The following STMND1 variants were observed in gnomAD, a reference collection of about 807,000 sequenced individuals.
STMND1 encodes the protein stathmin domain-containing protein 1.
A neutral mutation model predicts 23.0 loss-of-function variants in STMND1; 17 were observed. The ratio of observed to expected loss-of-function variants is 0.74; its 90% CI spans 0.51 to 1.11. The LOEUF is 1.11. STMND1 is among the 50% of genes least tolerant of loss of function. The pLI is 0.00. For missense variants in STMND1, 305 were observed against 329.1 expected (o/e 0.93, Z 0.57); for synonymous variants, 114 against 119.9 (o/e 0.95, Z 0.32).
chr6:17,113,214 T>C (rs1761116497), intron 1 of STMND1, among the ~76,000 whole-genome samples: 1 of 152,214 alleles, frequency 6.6e-6, no homozygotes, highest in Admixed American at 6.5e-5. Context: ...ACCAGTAGGA[T>C]AGACAGATGG....
chr6:17,108,395 A>C (rs904872536), intron 1 of STMND1, among the ~76,000 whole-genome samples: 8 of 152,166 alleles, frequency 5.3e-5, no homozygotes, highest in African/African-American at 1.9e-4. Flanking sequence ...TAAATCATTA[A>C]ATTTTTCCAT....
At chr6:17,105,013 T>C (rs1393766905) in intron 1 of STMND1, among the ~76,000 whole-genome samples, 1 of 152,262 alleles carries the variant, frequency 6.6e-6, no homozygotes, top group African/African-American at 2.4e-5. Context: ...AGACTTTTTT[T>C]TGTTATTGTG....
chr6:17,112,734 G>A (rs972108165), intron 1 of STMND1, among the ~76,000 whole-genome samples: 12 of 152,076 alleles, frequency 7.9e-5, no homozygotes, highest in Non-Finnish European at 1.2e-4. Flanking sequence ...CCGAGATTGC[G>A]CCACTGTACT....
intron 1 of STMND1, among the ~76,000 whole-genome samples, chr6:17,112,552 T>C (rs564466341): frequency 2.1e-3 from 314 of 151,888 alleles, no homozygotes; most frequent in African/African-American, 7.1e-3. Context: ...CCGAGGCGGG[T>C]GGATCACAAG....
At chr6:17,105,965 A>G (rs566679220) in intron 1 of STMND1, among the ~76,000 whole-genome samples, 1 of 152,206 alleles carries the variant, frequency 6.6e-6, no homozygotes, top group Non-Finnish European at 1.5e-5. Flanking sequence ...CTTACTTAGC[A>G]TGCTGTCCTG....
chr6:17,115,165 G>A (rs1490642852), intron 2 of STMND1, 26 bp downstream of exon 2: 36 of 1,518,424 alleles, frequency 2.4e-5, no homozygotes, highest in Non-Finnish European at 2.9e-5. Context: ...CCCCATTCAC[G>A]TAGATCTTCA....
chr6:17,112,156 C>T (rs928681231), intron 1 of STMND1, among the ~76,000 whole-genome samples: 4 of 152,166 alleles, frequency 2.6e-5, no homozygotes, highest in Non-Finnish European at 5.9e-5. Flanking sequence ...CCTCGTTCCC[C>T]CACCCTAAGC....
At chr6:17,108,690 C>T (rs201904836) in intron 1 of STMND1, among the ~76,000 whole-genome samples, 1 of 111,422 alleles carries the variant, frequency 9.0e-6, no homozygotes. Flanking sequence ...TGTTCTTTTT[C>T]TTTTTCTTTT....
intron 1 of STMND1, chr6:17,110,804 A>G: frequency 2.2e-6 from 1 of 455,888 alleles, no homozygotes; most frequent in Non-Finnish European, 4.4e-6. Flanking sequence ...GAATCCTGGG[A>G]AGACATTACC....
At chr6:17,126,080 T>TA (rs1761300717) in intron 3 of STMND1, among the ~76,000 whole-genome samples, 1 of 90,978 alleles carries the variant, frequency 1.1e-5, no homozygotes, top group Admixed American at 1.1e-4. Flanking sequence ...ATTTTTTTTT[T>TA]TTTTTTTTTT....
At chr6:17,117,492 A>G (rs772832464) in intron 2 of STMND1, among the ~76,000 whole-genome samples, 1 of 152,168 alleles carries the variant, frequency 6.6e-6, no homozygotes, top group Non-Finnish European at 1.5e-5. Context: ...ATCCAGGATC[A>G]CATGTTTAAT....
At chr6:17,130,486 A>T in intron 4 of STMND1, 108 bp from the exon 5 acceptor site, 1 of 868,658 alleles carries the variant, frequency 1.2e-6, no homozygotes, top group Non-Finnish European at 1.7e-6. Context: ...CTGTTATTTG[A>T]CTGAATGATG....
At chr6:17,119,715 A>G (rs899212608) in intron 2 of STMND1, among the ~76,000 whole-genome samples, 6 of 150,608 alleles carry the variant, frequency 4.0e-5, no homozygotes, top group African/African-American at 1.5e-4. Context: ...AAAAAAAAAG[A>G]AAAGAAATTT....
intron 3 of STMND1, among the ~76,000 whole-genome samples, chr6:17,121,745 G>T (rs1761235557): frequency 6.6e-6 from 1 of 152,062 alleles, no homozygotes; most frequent in Admixed American, 6.5e-5. Context: ...TTCAGAAATT[G>T]CTGTACTATT....
chr6:17,115,372 TA>T (rs75171969), intron 2 of STMND1, among the ~76,000 whole-genome samples: 2,561 of 116,080 alleles, frequency 0.022, 40 homozygotes, highest in African/African-American at 0.058. Flanking sequence ...GGACCATCTT[TA>T]AAAAAAAAAA....
chr6:17,130,189 A>G (rs1405378049), intron 4 of STMND1, among the ~76,000 whole-genome samples: 1 of 152,134 alleles, frequency 6.6e-6, no homozygotes, highest in Non-Finnish European at 1.5e-5. Flanking sequence ...AAAAAGAGAA[A>G]CTTCAGTTGA....
intron 3 of STMND1, among the ~76,000 whole-genome samples, chr6:17,126,781 G>A (rs1177442382): frequency 2.0e-5 from 3 of 152,110 alleles, no homozygotes; most frequent in Non-Finnish European, 4.4e-5. Context: ...CCCATAAACC[G>A]TCCAATGGTT....
intron 3 of STMND1, among the ~76,000 whole-genome samples, chr6:17,122,004 A>C (rs902066026): frequency 1.3e-5 from 2 of 151,964 alleles, no homozygotes; most frequent in Admixed American, 1.3e-4. Flanking sequence ...CTGGGGTTAC[A>C]GGTGCCCACC....
At chr6:17,115,538 C>G (rs1204863792) in intron 2 of STMND1, among the ~76,000 whole-genome samples, 1 of 152,098 alleles carries the variant, frequency 6.6e-6, no homozygotes, top group African/African-American at 2.4e-5. Flanking sequence ...CTACAATAAA[C>G]TGTTTTCCCT....
Sources: allele counts gnomAD v4.1 joint callset (sites outside exome capture counted in the v4.1 genomes callset), GRCh38; gene constraint gnomAD v4.1.1; transcripts MANE v1.5; gene names NCBI Gene and HGNC (gene_info 2026-07-23, HGNC 2026-07-21).